BMPR2: variants seen among roughly 807,000 people sequenced by gnomAD.
The protein encoded by BMPR2 is bone morphogenetic protein receptor type 2, also known as bone morphogenetic protein receptor type-2.
Under a neutral mutation model 100.8 loss-of-function variants are expected in BMPR2, and 29 were observed. That is an observed-to-expected ratio of 0.29 (90% CI 0.21 to 0.39). The LOEUF (loss-of-function observed/expected upper bound fraction) is 0.39, where lower values mean the gene tolerates loss of function less well. Ranked by LOEUF, BMPR2 falls within the 10% of genes least tolerant of loss-of-function variation. The pLI is 1.00. For missense variants in BMPR2, 1,011 were observed against 1,274.5 expected (o/e 0.79, Z 3.15); for synonymous variants, 382 against 442.3 (o/e 0.86, Z 1.71).
At chr2:202,421,229 C>T (rs1039036917) in intron 1 of BMPR2, among the ~76,000 whole-genome samples, 16 of 147,570 alleles carry the variant, frequency 1.1e-4, no homozygotes, top group Non-Finnish European at 4.5e-5. Context: ...CCAGCATGGG[C>T]GACAGAGTGA....
intron 1 of BMPR2, among the ~76,000 whole-genome samples, chr2:202,445,628 C>G (rs574253508): frequency 2.7e-5 from 4 of 149,770 alleles, no homozygotes; most frequent in African/African-American, 1.0e-4. Context: ...TCTCCAGACC[C>G]TTGCAGCATT....
At chr2:202,481,870 T>C (rs892127073) in intron 3 of BMPR2, among the ~76,000 whole-genome samples, 5 of 152,190 alleles carry the variant, frequency 3.3e-5, no homozygotes, top group African/African-American at 1.2e-4. Context: ...AAATTTATCG[T>C]CTTACCATTT....
intron 9 of BMPR2, among the ~76,000 whole-genome samples, chr2:202,541,894 C>G (rs1385861457): frequency 1.3e-5 from 2 of 151,998 alleles, no homozygotes; most frequent in Admixed American, 1.3e-4. Context: ...GGTGGATCAC[C>G]TGAGGTCAGG....
chr2:202,548,848 A>G (rs1688421616), intron 10 of BMPR2, among the ~76,000 whole-genome samples: 1 of 152,108 alleles, frequency 6.6e-6, no homozygotes, highest in South Asian at 2.1e-4. Context: ...TTATGTTTTC[A>G]CTTCTGATTT....
chr2:202,392,991 CA>C (rs57464494), intron 1 of BMPR2, among the ~76,000 whole-genome samples: 22,978 of 95,686 alleles, frequency 0.24, 2,073 homozygotes, highest in African/African-American at 0.42. Flanking sequence ...AACTCCGTCT[CA>C]AAAAAAAAAA....
At chr2:202,483,830 G>A (rs1440208295) in intron 3 of BMPR2, among the ~76,000 whole-genome samples, 1 of 152,230 alleles carries the variant, frequency 6.6e-6, no homozygotes, top group Non-Finnish European at 1.5e-5. Context: ...AGTGGCTCAT[G>A]CCTGTAATCC....
rs1459150107 is a variant in BMPR2 at position 202,495,558 on chromosome 2, G to A, written c.419-18161G>A. ...TATAGGCCCAGGATGGGGACATGGCGGGTCCGGGTGGTCTTGGAAATGCAA... is the reference window on the plus strand; with the variant it reads ...TATAGGCCCAGGATGGGGACATGGCAGGTCCGGGTGGTCTTGGAAATGCAA... On this transcript the variant is annotated intron_variant, in intron 3 of 12. Transcript: ENST00000374580. This position sits in a 1 kb window ranked among gnomAD's most constrained non-coding sequence, Gnocchi z 4.5. Among the ~76,000 whole-genome samples, 2 of 152,200 alleles carry A rather than the reference G, an allele frequency of 1.3e-5. No homozygotes were observed. Among genetic ancestry groups the A allele is most frequent in the Non-Finnish European group, 2.9e-5 (2 of 68,008 alleles).
Position 202,491,516 on chromosome 2 carries a change from C to T in BMPR2, c.419-22203C>T, listed in dbSNP as rs549645754. ...TCGGCTCACTGCAACCTCCGCCTCCCGGGTTCAAGCAATTCTCTTGTCTCA... is the reference window on the plus strand; with the variant it reads ...TCGGCTCACTGCAACCTCCGCCTCCTGGGTTCAAGCAATTCTCTTGTCTCA... On this transcript the variant is annotated intron_variant, in intron 3 of 12. Transcript: ENST00000374580. 6.6e-4 allele frequency among the ~76,000 whole-genome samples: 100 copies of T among 152,020 alleles called. 1 individual carries two copies. The highest frequency in any genetic ancestry group is 2.2e-3 in the African/African-American group (93 of 41,460).
At chr2:202,398,849 CCGG>C (rs1387133772) in intron 1 of BMPR2, among the ~76,000 whole-genome samples, 10 of 152,188 alleles carry the variant, frequency 6.6e-5, no homozygotes, top group Non-Finnish European at 1.0e-4. Context: ...CAGATCATAG[CCGG>C]GTGCGGTGGC....
intron 1 of BMPR2, among the ~76,000 whole-genome samples, chr2:202,425,924 A>G (rs1691374515): frequency 6.6e-6 from 1 of 152,232 alleles, no homozygotes; most frequent in African/African-American, 2.4e-5. Flanking sequence ...GATATTTGTA[A>G]CATATGTAAT....
chr2:202,422,414 C>G (rs1691283686), intron 1 of BMPR2, among the ~76,000 whole-genome samples: 1 of 152,080 alleles, frequency 6.6e-6, no homozygotes, highest in African/African-American at 2.4e-5. Flanking sequence ...TCCCACCATT[C>G]TCCTGCCTCA....
chr2:202,404,369 T>TA (rs1356842781), intron 1 of BMPR2, among the ~76,000 whole-genome samples: 1 of 151,970 alleles, frequency 6.6e-6, no homozygotes, highest in Non-Finnish European at 1.5e-5. Flanking sequence ...TTTTTATATA[T>TA]TTTTTTAGTA....
At chr2:202,444,916 G>T (rs1018228373) in intron 1 of BMPR2, among the ~76,000 whole-genome samples, 1 of 150,552 alleles carries the variant, frequency 6.6e-6, no homozygotes, top group South Asian at 2.1e-4. Context: ...AGCCTCCCAA[G>T]TAGCTGGGAT....
intron 3 of BMPR2, among the ~76,000 whole-genome samples, chr2:202,477,118 C>T (rs1692566382): frequency 1.3e-5 from 2 of 152,122 alleles, no homozygotes; most frequent in Admixed American, 1.3e-4. Flanking sequence ...ATTATTTAGC[C>T]TCTGTGCATC....
intron 1 of BMPR2, among the ~76,000 whole-genome samples, chr2:202,398,268 ATAGT>A (rs1361865449): frequency 6.6e-6 from 1 of 152,190 alleles, no homozygotes; most frequent in Non-Finnish European, 1.5e-5. Flanking sequence ...ATATCAATTG[ATAGT>A]TAACTTCTGT....
At chr2:202,498,297 C>T (rs1206215820) in intron 3 of BMPR2, among the ~76,000 whole-genome samples, 3 of 152,192 alleles carry the variant, frequency 2.0e-5, no homozygotes, top group Non-Finnish European at 4.4e-5. Context: ...TCGGTAAGGA[C>T]CACTAAATCC....
chr2:202,543,968 C>T (rs900710519), intron 10 of BMPR2, among the ~76,000 whole-genome samples: 1 of 151,984 alleles, frequency 6.6e-6, no homozygotes, highest in Non-Finnish European at 1.5e-5. Flanking sequence ...ATGATCACAC[C>T]ACTGCCCTCC....
intron 3 of BMPR2, among the ~76,000 whole-genome samples, chr2:202,500,286 A>T (rs190286519): frequency 0.14 from 21,889 of 152,140 alleles, 1,683 homozygotes; most frequent in South Asian, 0.25. Context: ...GTAACCAGGT[A>T]TTTCTCCCAC....
rs1690165367 is a variant in BMPR2, at chr2:202,377,136, T to A, written c.-339T>A. 6.3e-5 allele frequency: 37 copies of A among 585,688 alleles called. No homozygotes were observed. The South Asian group carries it at 7.6e-4, about 12-fold the overall frequency. The allele number at this position is 585,688 out of a possible 1,614,324, so 36.3% of individuals were successfully genotyped here. ...TATGTTTTCTCCCAGACCTGGATAT[T>A]TTTTTGATATCGTGAAACTACGAGG... is the stretch of plus-strand genomic sequence containing the variant. On this transcript the variant is annotated 5_prime_UTR_variant, in exon 1 of 13. Coordinates refer to ENST00000374580, the MANE Select transcript of BMPR2 (RefSeq NM_001204.7).
Sources: gnomAD v4.1 joint callset for allele counts (sites outside exome capture counted in the v4.1 genomes callset) on GRCh38, gnomAD v4.1.1 for gene constraint, Gnocchi (gnomAD v3.1) non-coding constraint, MANE v1.5 for transcripts, NCBI Gene and HGNC (gene_info 2026-07-23, HGNC 2026-07-21) for gene names.